Variants in AFF3 observed in about 807,000 individuals in gnomAD.
AFF3 encodes the protein ALF transcription elongation factor 3.
AFF3 carries 32 observed loss-of-function variants against 129.7 expected under a neutral mutation model. That is an observed-to-expected ratio of 0.25 (90% CI 0.19 to 0.33). The LOEUF is 0.33. AFF3 is among the 10% of genes least tolerant of loss of function. AFF3 has a pLI of 1.00. For missense variants in AFF3, 1,373 were observed against 1,592.0 expected (o/e 0.86, Z 2.34); for synonymous variants, 644 against 635.4 (o/e 1.01, Z -0.20).
chr2:100,063,341 G>C (rs1234995084), intron 4 of AFF3, among the ~76,000 whole-genome samples: 2 of 151,496 alleles, frequency 1.3e-5, no homozygotes, highest in African/African-American at 4.8e-5. Context: ...CAACGTGAAT[G>C]TACTTAATAT....
intron 8 of AFF3, among the ~76,000 whole-genome samples, chr2:99,836,111 C>T (rs1243592303): frequency 1.3e-5 from 2 of 152,318 alleles, no homozygotes; most frequent in Non-Finnish European, 2.9e-5. Flanking sequence ...GGATGGATTT[C>T]TTCCATATCC....
At chr2:100,103,234 A>G (rs929471335) in intron 4 of AFF3, among the ~76,000 whole-genome samples, 1 of 152,220 alleles carries the variant, frequency 6.6e-6, no homozygotes, top group Non-Finnish European at 1.5e-5. Context: ...ATCATAAAGC[A>G]GTTTAGCTTT....
intron 7 of AFF3, among the ~76,000 whole-genome samples, chr2:99,856,023 A>G (rs1690499627): frequency 6.6e-6 from 1 of 152,164 alleles, no homozygotes; most frequent in Non-Finnish European, 1.5e-5. Flanking sequence ...TAAATGTCAG[A>G]CCAATATGCC....
At chr2:99,783,486 C>T (rs1052673373) in intron 8 of AFF3, among the ~76,000 whole-genome samples, 12 of 152,192 alleles carry the variant, frequency 7.9e-5, no homozygotes, top group South Asian at 4.1e-4. Flanking sequence ...GCCTCTCTCA[C>T]GAGAGAAGAA....
chr2:99,590,148 C>T (rs1347570370), intron 15 of AFF3, among the ~76,000 whole-genome samples: 2 of 152,244 alleles, frequency 1.3e-5, no homozygotes, highest in Admixed American at 1.3e-4. Context: ...GATTTCAAGA[C>T]CCTCTTTGGA....
intron 7 of AFF3, among the ~76,000 whole-genome samples, chr2:99,918,932 C>T (rs891174847): frequency 2.6e-5 from 4 of 152,132 alleles, no homozygotes; most frequent in African/African-American, 9.7e-5. Flanking sequence ...TATATTCCCC[C>T]ATCTCCCCAC....
At position 99,912,487 on chromosome 2, in the gene AFF3, C is replaced by A. The variant is rs531032972; in HGVS notation, c.874-74963G>T. On this transcript the variant is annotated intron_variant, in intron 7 of 24. Transcript: ENST00000672756. ...TAAAACCCAATAAATAATTTCTCTTCACCAGTGATTATGAAGATTTTTCTT... is the reference window on the plus strand; with the variant it reads ...TAAAACCCAATAAATAATTTCTCTTAACCAGTGATTATGAAGATTTTTCTT... Among the ~76,000 whole-genome samples the A allele has an allele frequency of 4.9e-4, 74 of 152,286 alleles. 1 individual carries two copies. The highest frequency in any genetic ancestry group is 1.7e-3 in the African/African-American group (72 of 41,564).
chr2:99,955,822 G>A (rs1676587926), intron 7 of AFF3, among the ~76,000 whole-genome samples: 1 of 152,064 alleles, frequency 6.6e-6, no homozygotes, highest in African/African-American at 2.4e-5. Flanking sequence ...CTTTAAAAGG[G>A]TACAAAAATC....
intron 10 of AFF3, among the ~76,000 whole-genome samples, chr2:99,732,656 A>G (rs1469341211): frequency 6.6e-6 from 1 of 152,152 alleles, no homozygotes; most frequent in Admixed American, 6.5e-5. Flanking sequence ...CCTGATGGAC[A>G]TTTAGATTTT....
chr2:100,062,097 C>T (rs766098113), intron 4 of AFF3, among the ~76,000 whole-genome samples: 7 of 152,184 alleles, frequency 4.6e-5, no homozygotes, highest in Non-Finnish European at 8.8e-5. Context: ...ATGGGGATGT[C>T]GACCAAGGTC....
At chr2:99,806,697 G>A (rs1025168948) in intron 8 of AFF3, among the ~76,000 whole-genome samples, 2 of 151,940 alleles carry the variant, frequency 1.3e-5, no homozygotes, top group East Asian at 1.9e-4. Context: ...CTGTCTCCAC[G>A]CCCCCACCCT....
At chr2:99,839,617 CTTT>C (rs147484099) in intron 7 of AFF3, among the ~76,000 whole-genome samples, 2 of 143,546 alleles carry the variant, frequency 1.4e-5, no homozygotes, top group Non-Finnish European at 3.1e-5. Context: ...TTCTTTCTTT[CTTT>C]TTTTTTTTTG....
At chr2:100,000,677 G>A (rs575846404) in intron 7 of AFF3, among the ~76,000 whole-genome samples, 4 of 152,016 alleles carry the variant, frequency 2.6e-5, no homozygotes, top group East Asian at 1.9e-4. Flanking sequence ...TATTACATAC[G>A]TCTCATTCAC....
chr2:99,591,437 T>G (rs1678668185), intron 15 of AFF3, among the ~76,000 whole-genome samples: 1 of 152,168 alleles, frequency 6.6e-6, no homozygotes. Context: ...TCCGCCCATC[T>G]CAGCCTCCCA....
At chr2:99,656,381 A>G (rs112509304) in intron 12 of AFF3, among the ~76,000 whole-genome samples, 2 of 152,222 alleles carry the variant, frequency 1.3e-5, no homozygotes, top group Non-Finnish European at 2.9e-5. Flanking sequence ...ATCTCTGCAC[A>G]GGGATTTTAA....
At chr2:99,970,875 C>T (rs1317591019) in intron 7 of AFF3, among the ~76,000 whole-genome samples, 2 of 152,234 alleles carry the variant, frequency 1.3e-5, no homozygotes, top group Non-Finnish European at 2.9e-5. Flanking sequence ...GCACTCACTG[C>T]TTGAGATCCT....
At chr2:99,707,068 A>G (rs1242259373) in intron 11 of AFF3, 7 of 981,204 alleles carry the variant, frequency 7.1e-6, no homozygotes, top group African/African-American at 1.7e-5. Context: ...CTTTTGAAAT[A>G]CCGAAGATAT....
At chr2:99,586,985 G>T (rs1678183708) in intron 16 of AFF3, among the ~76,000 whole-genome samples, 169 bp downstream of exon 16, 1 of 152,114 alleles carries the variant, frequency 6.6e-6, no homozygotes, top group Admixed American at 6.6e-5. Flanking sequence ...TATAATGTGT[G>T]GCACATGTGT....
At chr2:100,047,711 G>A (rs1420473556) in intron 4 of AFF3, among the ~76,000 whole-genome samples, 2 of 152,152 alleles carry the variant, frequency 1.3e-5, no homozygotes, top group Non-Finnish European at 2.9e-5. Context: ...TCAACCATTA[G>A]TATACTGATG....
Sources: gnomAD v4.1 joint callset for allele counts (sites outside exome capture counted in the v4.1 genomes callset) on GRCh38, gnomAD v4.1.1 for gene constraint, MANE v1.5 for transcripts, NCBI Gene and HGNC (gene_info 2026-07-23, HGNC 2026-07-21) for gene names.